The following PABPC4L variants were observed in gnomAD, a reference collection of about 807,000 sequenced individuals.
PABPC4L encodes poly(A) binding protein cytoplasmic 4 like.
For missense variants in PABPC4L, 452 were observed against 451.4 expected (o/e 1.00, Z -0.01); for synonymous variants, 169 against 164.1 (o/e 1.03, Z -0.23).
the PABPC4L span, among the ~76,000 whole-genome samples, chr4:134,176,757 A>G: frequency 6.6e-6 from 1 of 152,126 alleles, no homozygotes; most frequent in Admixed American, 6.6e-5. Flanking sequence ...CCTCTCTGAC[A>G]TAGGAAAGGG....
the PABPC4L span, among the ~76,000 whole-genome samples, chr4:134,143,246 T>C: frequency 6.6e-6 from 1 of 150,544 alleles, no homozygotes; most frequent in Non-Finnish European, 1.5e-5. Flanking sequence ...AAGATATATA[T>C]CTTAATAATA....
chr4:134,017,525 T>C, the PABPC4L span, among the ~76,000 whole-genome samples: 1 of 152,174 alleles, frequency 6.6e-6, no homozygotes, highest in Non-Finnish European at 1.5e-5. Context: ...TCACAGCTGA[T>C]ACCTCCTGGT....
chr4:133,969,115 G>A, the PABPC4L span, among the ~76,000 whole-genome samples: 1 of 152,140 alleles, frequency 6.6e-6, no homozygotes, highest in Admixed American at 6.5e-5. Flanking sequence ...GAGACAGAGA[G>A]TTTGATGTTT....
chr4:134,030,273 A>T, the PABPC4L span, among the ~76,000 whole-genome samples: 1 of 152,094 alleles, frequency 6.6e-6, no homozygotes, highest in Admixed American at 6.6e-5. Flanking sequence ...GAGGCCTCAG[A>T]AAAAGATAGA....
At chr4:134,186,377 A>G in the PABPC4L span, among the ~76,000 whole-genome samples, 3 of 152,194 alleles carry the variant, frequency 2.0e-5, no homozygotes, top group Admixed American at 6.6e-5. Context: ...GTCCCTGGAA[A>G]TAATACCACA....
chr4:134,122,680 A>G, the PABPC4L span, among the ~76,000 whole-genome samples: 1 of 151,810 alleles, frequency 6.6e-6, no homozygotes, highest in Non-Finnish European at 1.5e-5. Flanking sequence ...TTAAAAGGGA[A>G]CTCAATTTAA....
At chr4:134,004,903 T>G in the PABPC4L span, among the ~76,000 whole-genome samples, 1 of 151,882 alleles carries the variant, frequency 6.6e-6, no homozygotes, top group African/African-American at 2.4e-5. Context: ...AATCTAAAGA[T>G]AATGGAAATC....
At chr4:134,117,822 G>C in the PABPC4L span, among the ~76,000 whole-genome samples, 1 of 151,788 alleles carries the variant, frequency 6.6e-6, no homozygotes, top group African/African-American at 2.4e-5. Context: ...TGTAGGGAGA[G>C]GCAATGCGCC....
chr4:134,164,487 A>G, the PABPC4L span, among the ~76,000 whole-genome samples: 1 of 152,084 alleles, frequency 6.6e-6, no homozygotes, highest in East Asian at 1.9e-4. Flanking sequence ...ATCAACAGCA[A>G]CCAAGCTGAG....
At chr4:134,135,624 G>A in the PABPC4L span, among the ~76,000 whole-genome samples, 1 of 152,078 alleles carries the variant, frequency 6.6e-6, no homozygotes, top group African/African-American at 2.4e-5. Flanking sequence ...CTGAGGTCGG[G>A]AGTTTGAGAC....
the PABPC4L span, among the ~76,000 whole-genome samples, chr4:134,132,528 G>A: frequency 2.8e-4 from 42 of 151,856 alleles, no homozygotes; most frequent in Admixed American, 5.9e-4. Context: ...CCTCACACTG[G>A]CAAGAATGGC....
chr4:134,149,028 A>G, the PABPC4L span, among the ~76,000 whole-genome samples: 9 of 152,130 alleles, frequency 5.9e-5, no homozygotes, highest in Admixed American at 1.3e-4. Flanking sequence ...TAGGCATTCT[A>G]TGTATCAGAA....
At chr4:134,178,496 C>G in the PABPC4L span, among the ~76,000 whole-genome samples, 7 of 146,020 alleles carry the variant, frequency 4.8e-5, no homozygotes, top group African/African-American at 1.8e-4. Context: ...TGTTTTTTTA[C>G]CTCCAAATGA....
the PABPC4L span, among the ~76,000 whole-genome samples, chr4:134,112,695 A>G: frequency 6.6e-6 from 1 of 151,898 alleles, no homozygotes; most frequent in African/African-American, 2.4e-5. Context: ...GTTAACATAT[A>G]TGTATATGTA....
chr4:133,995,393 A>G, the PABPC4L span, among the ~76,000 whole-genome samples: 5 of 152,240 alleles, frequency 3.3e-5, no homozygotes, highest in East Asian at 7.8e-4. Flanking sequence ...ACCAGTTGAC[A>G]TGCTCATGTA....
the PABPC4L span, among the ~76,000 whole-genome samples, chr4:134,113,573 A>G: frequency 6.6e-6 from 1 of 151,922 alleles, no homozygotes. Flanking sequence ...ATGTTTTCAC[A>G]AGGATGAAAT....
chr4:134,193,335 T>A (rs1729566207), downstream of PABPC4L, among the ~76,000 whole-genome samples: 1 of 151,820 alleles, frequency 6.6e-6, no homozygotes, highest in Non-Finnish European at 1.5e-5. Flanking sequence ...CCATCCTATA[T>A]CCTAAAATAC....
chr4:134,177,206 C>A, the PABPC4L span, among the ~76,000 whole-genome samples: 1 of 133,486 alleles, frequency 7.5e-6, no homozygotes. Context: ...TTTTTTTAGA[C>A]GTAGTCTAGC....
the PABPC4L span, among the ~76,000 whole-genome samples, chr4:133,992,080 G>A: frequency 6.6e-6 from 1 of 152,276 alleles, no homozygotes; most frequent in East Asian, 1.9e-4. Context: ...AGGGTGGCAT[G>A]GACTCTATTT....
Sources: gnomAD v4.1 joint callset for allele counts (sites outside exome capture counted in the v4.1 genomes callset) on GRCh38, gnomAD v4.1.1 for gene constraint, MANE v1.5 for transcripts, NCBI Gene and HGNC (gene_info 2026-07-23, HGNC 2026-07-21) for gene names.